ACBD5: variants seen among roughly 807,000 people sequenced by gnomAD.
ACBD5 encodes acyl-CoA-binding domain-containing protein 5.
In ACBD5, 40 loss-of-function variants were observed where a neutral mutation model predicts 71.8. That is an observed-to-expected ratio of 0.56 (90% CI 0.43 to 0.72). ACBD5 has a LOEUF of 0.72. Among genes scored for constraint, ACBD5 ranks in the 30% least tolerant of loss-of-function variants. ACBD5 has a pLI of 0.00. For missense variants in ACBD5, 559 were observed against 644.5 expected (o/e 0.87, Z 1.44); for synonymous variants, 229 against 218.6 (o/e 1.05, Z -0.42).
At position 27,240,395 on chromosome 10, in the gene ACBD5, C is replaced by G. The variant is rs755694145; in HGVS notation, c.105G>C (p.Glu35Asp). Reference sequence around the variant, plus strand: ...CGTGCACGGATCTCGTGTCCGCCATCTCCAGCTGCCAGTGTTGGCCCCGGT... The same window carrying G: ...CGTGCACGGATCTCGTGTCCGCCATGTCCAGCTGCCAGTGTTGGCCCCGGT... ...PWDRGQHWQL[E>D]MADTRSVHET... The change falls in exon 2 of 13, where the codon GAG becomes GAC. Residue 35 changes from glutamate (E) to aspartate (D), a missense_variant. Transcript: ENST00000396271. The surrounding 1 kb of genome is among the most constrained non-coding windows in gnomAD (Gnocchi z 4.1). The G allele has an allele frequency of 1.2e-5, 20 of 1,614,020 alleles. No individual in the cohort carries two copies. The East Asian group carries it at 4.2e-4, about 34-fold the overall frequency.
At chr10:27,227,186 T>G (rs1404204497) in intron 4 of ACBD5, among the ~76,000 whole-genome samples, 3 of 151,820 alleles carry the variant, frequency 2.0e-5, no homozygotes, top group African/African-American at 7.3e-5. Flanking sequence ...CCCAACCAAA[T>G]GAAGAATGTT....
rs2059416267 is a variant in ACBD5, at chr10:27,196,771, G to C, written c.*659C>G. On this transcript the variant is annotated 3_prime_UTR_variant, in exon 13 of 13. Coordinates refer to ENST00000396271, the MANE Select transcript of ACBD5 (RefSeq NM_145698.5). ...CATTCTTCACCATTTCCATCAGTGGGTTATGTCTAGCCTGCAAATCATTTG... is the reference window on the plus strand; with the variant it reads ...CATTCTTCACCATTTCCATCAGTGGCTTATGTCTAGCCTGCAAATCATTTG... 2 of 454,158 alleles carry C rather than the reference G, an allele frequency of 4.4e-6. No individual in the cohort carries two copies. Among genetic ancestry groups the C allele is most frequent in the Non-Finnish European group, 8.8e-6 (2 of 226,758 alleles). 28.1% of individuals were successfully genotyped at this position (454,158 alleles called of 1,614,324 possible). A position where few individuals can be genotyped will look rare whatever the true frequency, so the allele number is the denominator to read the frequency against.
intron 13 of ACBD5, among the ~76,000 whole-genome samples, chr10:27,183,494 A>G (rs1305838273): frequency 1.3e-5 from 2 of 152,104 alleles, no homozygotes; most frequent in Non-Finnish European, 2.9e-5. Context: ...CATGTTGGCC[A>G]GGATGGTCTC....
At chr10:27,194,630 T>TAAG (rs756738184), downstream of ACBD5, among the ~76,000 whole-genome samples, 1,471 of 143,886 alleles carry the variant, frequency 0.01, 29 homozygotes, top group African/African-American at 0.033. Context: ...ATAATAATAA[T>TAAG]AATAATAATA....
intron 7 of ACBD5, among the ~76,000 whole-genome samples, chr10:27,216,288 C>G (rs532442025): frequency 6.6e-6 from 1 of 152,150 alleles, no homozygotes; most frequent in Non-Finnish European, 1.5e-5. Flanking sequence ...TACAGGTGCA[C>G]ACCACCAAGC....
chr10:27,214,115 A>G (rs932427896), intron 8 of ACBD5, among the ~76,000 whole-genome samples: 1 of 152,216 alleles, frequency 6.6e-6, no homozygotes, highest in Non-Finnish European at 1.5e-5. Context: ...GCTAAAAATT[A>G]AAACAATTAA....
intron 4 of ACBD5, 43 bp downstream of exon 4, chr10:27,231,705 G>A: frequency 6.4e-7 from 1 of 1,558,216 alleles, no homozygotes; most frequent in East Asian, 2.2e-5. Flanking sequence ...TTAAATTAGA[G>A]CTGCTCTGAA....
chr10:27,191,178 A>G (rs2059062413), downstream of ACBD5, among the ~76,000 whole-genome samples: 1 of 152,190 alleles, frequency 6.6e-6, no homozygotes, highest in South Asian at 2.1e-4. Context: ...TTAAGTGCAT[A>G]TTACTAACTG....
chr10:27,195,216 A>G lies in ACBD5; in HGVS notation c.*2214T>C, dbSNP rs2059277411. Reference sequence around the variant, plus strand: ...AGTAACAAGTAATAAAAGCCATATCATTTCTCATTAACCTTTTATTTTTAA... The same window carrying G: ...AGTAACAAGTAATAAAAGCCATATCGTTTCTCATTAACCTTTTATTTTTAA... On this transcript the variant is annotated 3_prime_UTR_variant, in exon 13 of 13. Coordinates refer to ENST00000396271, the MANE Select transcript of ACBD5 (RefSeq NM_145698.5). 5.1e-6 allele frequency: 2 copies of G among 391,540 alleles called. No individual in the cohort carries two copies. Among genetic ancestry groups the G allele is most frequent in the Admixed American group, 3.5e-5 (1 of 28,874 alleles). 24.3% of individuals were successfully genotyped at this position (391,540 alleles called of 1,614,324 possible).
intron 13 of ACBD5, among the ~76,000 whole-genome samples, chr10:27,187,751 C>CAAAAAA (rs11442040): frequency 7.2e-6 from 1 of 139,374 alleles, no homozygotes. Context: ...GACTCAGTCT[C>CAAAAAA]AAAAAAAAAA....
At chr10:27,199,191 T>C (rs1396957808) in intron 12 of ACBD5, among the ~76,000 whole-genome samples, 1 of 151,656 alleles carries the variant, frequency 6.6e-6, no homozygotes, top group Non-Finnish European at 1.5e-5. Context: ...CCCCAATCTT[T>C]TTTTCTTTTT....
In ACBD5 at chr10:27,240,689, G is replaced by A; in HGVS notation, c.-1C>T. ...AACAACTCACCGAGAGGAAGAGCAT[G>A]TCTAGCAGAAGACAGAGGGGGTCCG... On this transcript the variant is annotated 5_prime_UTR_variant, in exon 1 of 13. Coordinates refer to ENST00000396271, the MANE Select transcript of ACBD5 (RefSeq NM_145698.5). This position sits in a 1 kb window ranked among gnomAD's most constrained non-coding sequence, Gnocchi z 4.1. 2 of 1,550,894 alleles carry A rather than the reference G, an allele frequency of 1.3e-6. No homozygotes were observed. The highest frequency in any genetic ancestry group is 8.7e-7 in the Non-Finnish European group (1 of 1,146,984).
chr10:27,223,323 G>A lies in ACBD5; in HGVS notation c.490+15C>T, dbSNP rs2062598122. 6.4e-7 allele frequency: 1 copy of A among 1,569,920 alleles called. No individual in the cohort carries two copies. The highest frequency in any genetic ancestry group is 1.4e-5 in the African/African-American group (1 of 74,016). Reference sequence around the variant, plus strand: ...TATCAGTTGATGAATTTAAAAATAGGTAAAATAGTCCAACCTGAGGTTATA... The same window carrying A: ...TATCAGTTGATGAATTTAAAAATAGATAAAATAGTCCAACCTGAGGTTATA... On this transcript the variant is annotated intron_variant, in intron 5 of 12. Transcript: ENST00000396271.
downstream of ACBD5, among the ~76,000 whole-genome samples, chr10:27,191,541 T>C (rs1245767013): frequency 6.6e-6 from 1 of 152,052 alleles, no homozygotes; most frequent in African/African-American, 2.4e-5. Context: ...GGGTAGAATA[T>C]GGGAGCTCTA....
At chr10:27,237,941 T>A (rs557809141) in intron 2 of ACBD5, among the ~76,000 whole-genome samples, 38 of 150,952 alleles carry the variant, frequency 2.5e-4, no homozygotes, top group African/African-American at 8.5e-4. Context: ...TTTTTAAATT[T>A]AATTTAATTT....
intron 4 of ACBD5, among the ~76,000 whole-genome samples, chr10:27,229,920 T>C (rs2138055393): frequency 6.6e-6 from 1 of 152,290 alleles, no homozygotes; most frequent in Admixed American, 6.5e-5. Context: ...AATATAGTTT[T>C]AATCTTTCTT....
At chr10:27,199,985 G>A (rs1340411771) in intron 12 of ACBD5, among the ~76,000 whole-genome samples, 1 of 149,898 alleles carries the variant, frequency 6.7e-6, no homozygotes, top group Non-Finnish European at 1.5e-5. Flanking sequence ...CAAGACTGTC[G>A]CAAAGAAAAA....
rs1021663820 is a variant in ACBD5 at position 27,211,097 on chromosome 10, G to T, written c.937-16C>A. ...TGTCTAAAGACTACAAATTAGAAAT[G>T]ACACTTAGTTAAAAGCTAGAAATGT... On this transcript the variant is annotated splice_polypyrimidine_tract_variant and intron_variant, in intron 8 of 12. Coordinates refer to ENST00000396271, the MANE Select transcript of ACBD5 (RefSeq NM_145698.5). The T allele has an allele frequency of 2.5e-6, 4 of 1,613,644 alleles. No homozygotes were observed. Among genetic ancestry groups the T allele is most frequent in the Admixed American group, 1.7e-5 (1 of 60,012 alleles).
At chr10:27,204,014 G>A (rs2060203661) in intron 12 of ACBD5, among the ~76,000 whole-genome samples, 1 of 151,604 alleles carries the variant, frequency 6.6e-6, no homozygotes, top group African/African-American at 2.4e-5. Context: ...TGTAGTCCCA[G>A]CCACTCAGGA....
Sources: allele counts gnomAD v4.1 joint callset (sites outside exome capture counted in the v4.1 genomes callset), GRCh38; gene constraint gnomAD v4.1.1; non-coding constraint Gnocchi (gnomAD v3.1); transcripts MANE v1.5; gene names NCBI Gene and HGNC (gene_info 2026-07-23, HGNC 2026-07-21).